Variants in MSRB2 observed in about 807,000 individuals in gnomAD.
The protein encoded by MSRB2 is methionine sulfoxide reductase B2.
In MSRB2, 17 loss-of-function variants were observed where a neutral mutation model predicts 19.0. That is an observed-to-expected ratio of 0.89 (90% CI 0.61 to 1.34). The LOEUF is 1.34. Among genes scored for constraint, MSRB2 ranks in the 40% most tolerant of loss-of-function variants. The pLI is 0.00. For synonymous variants in MSRB2, 107 were observed against 99.7 expected (o/e 1.07, Z -0.44); for missense variants, 208 against 237.6 (o/e 0.88, Z 0.82).
Position 23,119,386 on chromosome 10 carries a change from A to C in MSRB2, c.379A>C (p.Thr127Pro), listed in dbSNP as rs1359849079. The C allele has an allele frequency of 1.2e-6, 2 of 1,614,020 alleles. No homozygotes were observed. The highest frequency in any genetic ancestry group is 1.7e-6 in the Non-Finnish European group (2 of 1,180,018). Residue 127 changes from threonine to proline, a missense_variant, in exon 4 of 5, where the codon ACA (threonine) becomes CCA (proline). Thr to Pro is a conservative substitution (Grantham distance 38). Transcript: ENST00000376510. ...HGTSGSDESHTGILRRLDTSL... is the reference protein window; with the variant it reads ...HGTSGSDESHPGILRRLDTSL... ...TACGTCTGGCTCTGATGAAAGCCAC[A>C]CAGGGATCCTGAGACGTCTGGATAC...
In MSRB2 at chr10:23,120,739, A is replaced by T. The variant is rs1194235524; in HGVS notation, c.445-19A>T. The T allele has an allele frequency of 3.1e-6, 5 of 1,590,214 alleles. No individual in the cohort carries two copies. ...CTTTGTTTGCATTTGGAGATGACAGAGGCTTCTGTCCTTTGCAGTGTGAAG... is the reference window on the plus strand; with the variant it reads ...CTTTGTTTGCATTTGGAGATGACAGTGGCTTCTGTCCTTTGCAGTGTGAAG... On this transcript the variant is annotated intron_variant, in intron 4 of 4. Transcript: ENST00000376510.
intron 1 of MSRB2, among the ~76,000 whole-genome samples, chr10:23,101,792 G>A (rs1034342989): frequency 3.9e-5 from 6 of 152,160 alleles, no homozygotes; most frequent in Non-Finnish European, 8.8e-5. Context: ...GATGGTACAC[G>A]GGTAGCCATG....
chr10:23,118,920 G>A (rs1840147899), intron 3 of MSRB2: 1 of 407,894 alleles, frequency 2.5e-6, no homozygotes, highest in Non-Finnish European at 5.0e-6. Flanking sequence ...GCTCTAAGAT[G>A]ATGATGACTT....
intron 3 of MSRB2, among the ~76,000 whole-genome samples, chr10:23,117,926 A>C (rs1458895792): frequency 6.6e-6 from 1 of 152,242 alleles, no homozygotes; most frequent in Non-Finnish European, 1.5e-5. Context: ...ATGCTAGTCA[A>C]AGGAAATGCT....
chr10:23,116,750 T>C (rs1840114871), intron 3 of MSRB2, among the ~76,000 whole-genome samples: 1 of 152,188 alleles, frequency 6.6e-6, no homozygotes, highest in African/African-American at 2.4e-5. Context: ...ACACTGCTTA[T>C]CTCAAGGCCA....
intron 2 of MSRB2, among the ~76,000 whole-genome samples, chr10:23,105,721 A>T (rs1314028613): frequency 6.6e-6 from 1 of 152,174 alleles, no homozygotes; most frequent in Non-Finnish European, 1.5e-5. Context: ...GTAGAGTATG[A>T]ATGTTTTTTC....
intron 3 of MSRB2, among the ~76,000 whole-genome samples, chr10:23,115,507 T>A (rs1328204452): frequency 6.6e-6 from 1 of 152,238 alleles, no homozygotes; most frequent in Admixed American, 6.5e-5. Flanking sequence ...GTTAGGGTTG[T>A]CAGTTATCAC....
At chr10:23,105,206 GTGTGTC>G (rs1172004838) in intron 2 of MSRB2, among the ~76,000 whole-genome samples, 6 of 130,836 alleles carry the variant, frequency 4.6e-5, no homozygotes, top group African/African-American at 1.3e-4. Flanking sequence ...CTCTCTCTCT[GTGTGTC>G]TGTGTGTGTG....
At chr10:23,117,076 T>C (rs1272039309) in intron 3 of MSRB2, among the ~76,000 whole-genome samples, 1 of 152,206 alleles carries the variant, frequency 6.6e-6, no homozygotes, top group East Asian at 1.9e-4. Context: ...AGGGCTCTAT[T>C]CAGTCAGTGG....
chr10:23,110,812 G>T (rs374358847), intron 3 of MSRB2, among the ~76,000 whole-genome samples: 1 of 152,144 alleles, frequency 6.6e-6, no homozygotes, highest in East Asian at 1.9e-4. Context: ...CTTCTATATA[G>T]CTAAAAGTAA....
intron 2 of MSRB2, among the ~76,000 whole-genome samples, chr10:23,108,802 C>A (rs1003150492): frequency 1.2e-4 from 18 of 152,102 alleles, no homozygotes; most frequent in Non-Finnish European, 1.5e-5. Context: ...CAGCTGCTAA[C>A]TAGTGCCAGT....
chr10:23,110,177 C>A, intron 2 of MSRB2, 65 bp from the exon 3 acceptor site: 1 of 1,268,206 alleles, frequency 7.9e-7, no homozygotes, highest in Non-Finnish European at 1.1e-6. Context: ...GGATTTAAAT[C>A]TGCTGTTTCA....
chr10:23,119,025 C>A, intron 3 of MSRB2: 1 of 554,552 alleles, frequency 1.8e-6, no homozygotes, highest in Non-Finnish European at 3.4e-6. Flanking sequence ...ACACAGTTCA[C>A]AAAACACCAT....
intron 3 of MSRB2, among the ~76,000 whole-genome samples, chr10:23,112,611 T>C (rs772544921): frequency 1.3e-5 from 2 of 152,218 alleles, no homozygotes; most frequent in African/African-American, 2.4e-5. Context: ...TTTTTTGAGA[T>C]GGAGTCTCGC....
intron 1 of MSRB2, among the ~76,000 whole-genome samples, 194 bp downstream of exon 1, chr10:23,095,920 G>A (rs1056431967): frequency 2.0e-5 from 3 of 151,928 alleles, no homozygotes; most frequent in Admixed American, 1.3e-4. Context: ...GCAGGGTGGG[G>A]ACTGACCCCT....
In MSRB2 at chr10:23,102,496, T is replaced by C. The variant is rs1045605756; in HGVS notation, c.119-1648T>C. 2.6e-5 allele frequency among the ~76,000 whole-genome samples: 4 copies of C among 152,156 alleles called. No individual in the cohort carries two copies. In the East Asian group the frequency reaches 5.8e-4, roughly 22 times the overall value. On this transcript the variant is annotated intron_variant, in intron 1 of 4. Coordinates refer to ENST00000376510, the MANE Select transcript of MSRB2 (RefSeq NM_012228.4). ...AATAATTTCCCTCAATTTTCACTTA[T>C]GTGATTTTTTCTTCATGAGACACTG...
chr10:23,108,515 G>A (rs552777958), intron 2 of MSRB2, among the ~76,000 whole-genome samples: 13 of 140,010 alleles, frequency 9.3e-5, no homozygotes, highest in East Asian at 2.1e-4. Flanking sequence ...TGGCTCTGTC[G>A]CCCAGGCTGG....
chr10:23,099,220 T>G (rs140299308), intron 1 of MSRB2, among the ~76,000 whole-genome samples: 2,252 of 152,282 alleles, frequency 0.015, 49 homozygotes, highest in African/African-American at 0.05. Context: ...CAAAGAAACC[T>G]CTTAAAGTGA....
chr10:23,098,266 T>C (rs1035270439), intron 1 of MSRB2, among the ~76,000 whole-genome samples: 4 of 152,070 alleles, frequency 2.6e-5, no homozygotes, highest in Non-Finnish European at 5.9e-5. Flanking sequence ...ATTGGCAGTA[T>C]AGCAACTGTG....
Sources: allele counts gnomAD v4.1 joint callset (sites outside exome capture counted in the v4.1 genomes callset), GRCh38; gene constraint gnomAD v4.1.1; transcripts MANE v1.5; gene names NCBI Gene and HGNC (gene_info 2026-07-23, HGNC 2026-07-21).